Variants in USP12 observed in about 807,000 individuals in gnomAD.
The protein encoded by USP12 is ubiquitin carboxyl-terminal hydrolase 12.
A neutral mutation model predicts 45.5 loss-of-function variants in USP12; 19 were observed. The observed-to-expected ratio is 0.42, with a 90% confidence interval of 0.29 to 0.61. The LOEUF (loss-of-function observed/expected upper bound fraction) is 0.61, where lower values mean the gene tolerates loss of function less well. USP12 is among the 20% of genes least tolerant of loss of function. The pLI is 0.22. For synonymous variants in USP12, 149 were observed against 148.8 expected, an observed-to-expected ratio of 1.00 and a Z score of -0.01; for missense variants, 242 against 447.7, an observed-to-expected ratio of 0.54 and a Z score of 4.15.
rs184445156 is a variant in USP12 at position 27,151,524 on chromosome 13, G to A, written c.48+20068C>T. ...GGGCCAGGCAGGGTGGCTAATGCCTGTAATCCCAGTGCTTTCGGAGGACTA... is the reference window on the plus strand; with the variant it reads ...GGGCCAGGCAGGGTGGCTAATGCCTATAATCCCAGTGCTTTCGGAGGACTA... On this transcript the variant is annotated intron_variant, in intron 1 of 8. Transcript: ENST00000282344. 3.0e-3 allele frequency among the ~76,000 whole-genome samples: 462 copies of A among 152,176 alleles called. 1 individual carries two copies. The highest frequency in any genetic ancestry group is 0.011 in the African/African-American group (445 of 41,528).
intron 6 of USP12, 50 bp from the exon 7 acceptor site, chr13:27,075,438 G>A: frequency 2.0e-6 from 3 of 1,491,962 alleles, no homozygotes; most frequent in Non-Finnish European, 2.7e-6. Context: ...TATCCACCAT[G>A]TCCTTGAATT....
chr13:27,147,771 A>C (rs1877372091), intron 1 of USP12, among the ~76,000 whole-genome samples: 1 of 152,154 alleles, frequency 6.6e-6, no homozygotes, highest in Non-Finnish European at 1.5e-5. Flanking sequence ...GGAAAAAAAA[A>C]ATTTTAAAAA....
In USP12 at chr13:27,068,567, C is replaced by T. The variant is rs1260026847; in HGVS notation, c.*716G>A. The T allele has an allele frequency of 6.6e-6, 1 of 152,124 alleles. No homozygotes were observed. The highest frequency in any genetic ancestry group is 1.5e-5 in the Non-Finnish European group (1 of 68,012). The allele number at this position is 152,124 out of a possible 1,614,324, so 9.4% of individuals were successfully genotyped here. A position where few individuals can be genotyped will look rare whatever the true frequency, so the allele number is the denominator to read the frequency against. On this transcript the variant is annotated 3_prime_UTR_variant, in exon 9 of 9. Coordinates refer to ENST00000282344, the MANE Select transcript of USP12 (RefSeq NM_182488.4). ...TCAAATTTACTGACAGAATCATGGG[C>T]ACTTCATATAATACTTAGACTCTAC... is the stretch of plus-strand genomic sequence containing the variant.
At chr13:27,070,302 A>G (rs1238486071) in intron 8 of USP12, among the ~76,000 whole-genome samples, 1 of 152,188 alleles carries the variant, frequency 6.6e-6, no homozygotes, top group Non-Finnish European at 1.5e-5. Flanking sequence ...GGTAGAGGTG[A>G]GGAAAGCTGT....
intron 1 of USP12, among the ~76,000 whole-genome samples, chr13:27,152,908 C>T (rs1172651460): frequency 7.1e-6 from 1 of 139,970 alleles, no homozygotes; most frequent in Non-Finnish European, 1.5e-5. Context: ...CACCACTGCA[C>T]TCCAGCCTGG....
At chr13:27,156,540 G>C (rs1404476806) in intron 1 of USP12, among the ~76,000 whole-genome samples, 1 of 152,196 alleles carries the variant, frequency 6.6e-6, no homozygotes, top group Non-Finnish European at 1.5e-5. Flanking sequence ...AAGAGGCTGG[G>C]GGGGCAGTGG....
intron 1 of USP12, among the ~76,000 whole-genome samples, chr13:27,140,503 A>G (rs1877006788): frequency 6.6e-6 from 1 of 152,192 alleles, no homozygotes; most frequent in South Asian, 2.1e-4. Context: ...CACAATAACA[A>G]TAGTGTAATA....
chr13:27,071,070 C>G lies in USP12; in HGVS notation c.1011+1G>C. 1 of 1,603,434 alleles carries G rather than the reference C, an allele frequency of 6.2e-7. No individual in the cohort carries two copies. The highest frequency in any genetic ancestry group is 8.5e-7 in the Non-Finnish European group (1 of 1,177,304). On this transcript the variant is annotated splice_donor_variant, in intron 8 of 8. Transcript: ENST00000282344. LOFTEE classifies it high-confidence loss of function. ...AAATAAGAAATTAAGAAACTACTTA[C>G]TTCTACAATGTCGTCATCAAACAAC...
chr13:27,136,423 G>C (rs1876807965), intron 1 of USP12, among the ~76,000 whole-genome samples: 1 of 152,158 alleles, frequency 6.6e-6, no homozygotes. Flanking sequence ...GCTTGAACCG[G>C]GGAGGCGGAG....
intron 1 of USP12, among the ~76,000 whole-genome samples, chr13:27,116,809 T>C (rs974345911): frequency 2.0e-5 from 3 of 152,180 alleles, no homozygotes; most frequent in African/African-American, 2.4e-5. Context: ...TGTGTTACGA[T>C]TGCCTAGAAA....
At chr13:27,092,737 T>G (rs1565986772) in intron 4 of USP12, among the ~76,000 whole-genome samples, 2 of 152,156 alleles carry the variant, frequency 1.3e-5, no homozygotes, top group African/African-American at 2.4e-5. Flanking sequence ...ATCATAGACT[T>G]AAATATAAAA....
intron 1 of USP12, among the ~76,000 whole-genome samples, chr13:27,148,318 T>A (rs1877400713): frequency 2.0e-5 from 3 of 151,938 alleles, no homozygotes; most frequent in Non-Finnish European, 2.9e-5. Context: ...TAAAGGACAC[T>A]ATAAATGTGT....
chr13:27,171,034 G>C (rs537060983), intron 1 of USP12, among the ~76,000 whole-genome samples: 36 of 152,174 alleles, frequency 2.4e-4, no homozygotes, highest in Non-Finnish European at 4.4e-4. Flanking sequence ...TCCTCTCCCA[G>C]GCGGGAATGA....
chr13:27,133,475 A>T (rs1280401130), intron 1 of USP12, among the ~76,000 whole-genome samples: 1 of 152,188 alleles, frequency 6.6e-6, no homozygotes. Flanking sequence ...AAAAAATACA[A>T]AAATTAGCCG....
chr13:27,119,511 A>C (rs528056551), intron 1 of USP12, among the ~76,000 whole-genome samples: 43 of 152,224 alleles, frequency 2.8e-4, no homozygotes, highest in Non-Finnish European at 5.9e-4. Flanking sequence ...CAAAACTCCC[A>C]GTTCCAAATT....
At chr13:27,119,033 C>A (rs537463377) in intron 1 of USP12, among the ~76,000 whole-genome samples, 2 of 152,328 alleles carry the variant, frequency 1.3e-5, no homozygotes, top group East Asian at 3.9e-4. Flanking sequence ...TTAGCAACTA[C>A]TTTATAGGGT....
chr13:27,122,369 G>T (rs1461408018), intron 1 of USP12, among the ~76,000 whole-genome samples: 1 of 152,134 alleles, frequency 6.6e-6, no homozygotes, highest in Non-Finnish European at 1.5e-5. Flanking sequence ...CTCCTCCCAT[G>T]ATTCTGAGCC....
intron 3 of USP12, among the ~76,000 whole-genome samples, chr13:27,098,471 G>A (rs995799478): frequency 6.6e-6 from 1 of 152,042 alleles, no homozygotes; most frequent in Non-Finnish European, 1.5e-5. Flanking sequence ...ACATGACAAG[G>A]GACTGGGAAA....
chr13:27,155,387 A>G (rs529312072), intron 1 of USP12, among the ~76,000 whole-genome samples: 18 of 151,970 alleles, frequency 1.2e-4, no homozygotes, highest in Non-Finnish European at 1.5e-5. Flanking sequence ...AGCGACCTCC[A>G]TAACTTTAGA....
Sources: allele counts gnomAD v4.1 joint callset (sites outside exome capture counted in the v4.1 genomes callset), GRCh38; gene constraint gnomAD v4.1.1; transcripts MANE v1.5; gene names NCBI Gene and HGNC (gene_info 2026-07-23, HGNC 2026-07-21).